The following ADAM18 variants were observed in gnomAD, a reference collection of about 807,000 sequenced individuals.
The protein encoded by ADAM18 is ADAM metallopeptidase domain 18.
ADAM18 carries 117 observed loss-of-function variants against 94.4 expected under a neutral mutation model. That is an observed-to-expected ratio of 1.24 (90% CI 1.07 to 1.45). The LOEUF (loss-of-function observed/expected upper bound fraction) is 1.45. Ranked by LOEUF, ADAM18 falls within the 40% of genes most tolerant of loss-of-function variation. The probability of loss-of-function intolerance (pLI) is 0.00; values close to 1 mark genes in which losing one functional copy is unlikely to be tolerated. For missense variants in ADAM18, 936 were observed against 880.0 expected (o/e 1.06, Z -0.81); for synonymous variants, 327 against 291.6 (o/e 1.12, Z -1.24).
chr8:39,602,779 C>T (rs1818945865), intron 2 of ADAM18, among the ~76,000 whole-genome samples: 1 of 151,494 alleles, frequency 6.6e-6, no homozygotes, highest in African/African-American at 2.4e-5. Flanking sequence ...TAATGTCTTT[C>T]TTTGAGCTAG....
At chr8:39,598,803 T>C in intron 2 of ADAM18, among the ~76,000 whole-genome samples, 1 of 142,230 alleles carries the variant, frequency 7.0e-6, no homozygotes, top group Non-Finnish European at 1.5e-5. Flanking sequence ...AAGAAAAGGG[T>C]GTTGGATTTT....
At chr8:39,696,375 T>A (rs2129580971) in intron 17 of ADAM18, among the ~76,000 whole-genome samples, 1 of 151,634 alleles carries the variant, frequency 6.6e-6, no homozygotes, top group Admixed American at 6.6e-5. Flanking sequence ...CAAAAGTTTT[T>A]AATTTTGATG....
intron 12 of ADAM18, 109 bp from the exon 13 acceptor site, chr8:39,663,686 T>G: frequency 1.6e-6 from 1 of 640,438 alleles, no homozygotes; most frequent in South Asian, 1.9e-5. Flanking sequence ...AATTATATTG[T>G]ATAACTACAA....
intron 7 of ADAM18, among the ~76,000 whole-genome samples, chr8:39,636,046 C>A (rs1820068309): frequency 1.4e-5 from 2 of 138,094 alleles, no homozygotes; most frequent in South Asian, 4.6e-4. Flanking sequence ...AGAGAGGGGG[C>A]CTCACTCTCT....
intron 18 of ADAM18, among the ~76,000 whole-genome samples, chr8:39,715,832 A>G (rs1488535260): frequency 6.6e-6 from 1 of 152,022 alleles, no homozygotes; most frequent in African/African-American, 2.4e-5. Context: ...TGTCAGGCCC[A>G]GATATAGCCA....
intron 16 of ADAM18, 149 bp from the exon 17 acceptor site, chr8:39,692,448 GATA>G (rs1367458224): frequency 1.5e-5 from 6 of 405,984 alleles, no homozygotes; most frequent in Non-Finnish European, 2.6e-5. Context: ...AATAAATTAA[GATA>G]ATGTTAATCA....
intron 19 of ADAM18, 27 bp from the exon 20 acceptor site, chr8:39,729,871 T>A: frequency 6.2e-7 from 1 of 1,603,846 alleles, no homozygotes; most frequent in Non-Finnish European, 8.5e-7. Flanking sequence ...TGTGAATTTC[T>A]ATTTTTTCTG....
chr8:39,662,392 A>G (rs768393155), intron 12 of ADAM18, among the ~76,000 whole-genome samples: 1 of 152,156 alleles, frequency 6.6e-6, no homozygotes, highest in Non-Finnish European at 1.5e-5. Context: ...TTGATTGTAT[A>G]AGCATACGTC....
At chr8:39,613,796 A>G (rs1819352437) in intron 6 of ADAM18, among the ~76,000 whole-genome samples, 1 of 152,256 alleles carries the variant, frequency 6.6e-6, no homozygotes, top group Non-Finnish European at 1.5e-5. Flanking sequence ...CTGCTATAAT[A>G]AAGCTGAAAA....
chr8:39,719,683 T>C (rs532983185), intron 18 of ADAM18, among the ~76,000 whole-genome samples: 6 of 151,598 alleles, frequency 4.0e-5, no homozygotes, highest in East Asian at 1.9e-4. Flanking sequence ...ACATAGGTCA[T>C]TGGAGAAATG....
intron 17 of ADAM18, among the ~76,000 whole-genome samples, chr8:39,700,632 T>C (rs1367794959): frequency 3.3e-5 from 5 of 152,102 alleles, no homozygotes; most frequent in Non-Finnish European, 5.9e-5. Context: ...AATTTCTGAG[T>C]ATAACATGAC....
chr8:39,728,610 A>T (rs1214209698), intron 19 of ADAM18, among the ~76,000 whole-genome samples: 1 of 152,220 alleles, frequency 6.6e-6, no homozygotes. Context: ...AACATATATC[A>T]CAACGAAAAG....
Position 39,616,502 on chromosome 8 carries a change from C to T in ADAM18, c.522+5796C>T, listed in dbSNP as rs192717286. Among the ~76,000 whole-genome samples the T allele has an allele frequency of 6.0e-4, 91 of 152,222 alleles. 2 individuals are homozygous for T. In the South Asian group the frequency reaches 0.016, roughly 26 times the overall value. Reference sequence around the variant, plus strand: ...ATCAAACAACCAACAACGTTTTTCACGCAATTAGACAAAACTATTCTAAAA... The same window carrying T: ...ATCAAACAACCAACAACGTTTTTCATGCAATTAGACAAAACTATTCTAAAA... On this transcript the variant is annotated intron_variant, in intron 6 of 19. Transcript: ENST00000265707.
chr8:39,620,338 A>G (rs1472755714), intron 6 of ADAM18, among the ~76,000 whole-genome samples: 2 of 148,070 alleles, frequency 1.4e-5, no homozygotes, highest in Non-Finnish European at 3.0e-5. Flanking sequence ...CAGGACCTCA[A>G]AAGCACATGC....
chr8:39,727,041 G>T lies in ADAM18; in HGVS notation c.2178-2857G>T, dbSNP rs560439858. Among the ~76,000 whole-genome samples, 3 of 152,240 alleles carry T rather than the reference G, an allele frequency of 2.0e-5. No homozygotes were observed. The South Asian group carries it at 6.2e-4, about 32-fold the overall frequency. On this transcript the variant is annotated intron_variant, in intron 19 of 19. Transcript: ENST00000265707. Reference sequence around the variant, plus strand: ...CTAAATTATTTTAACTGCATTCCCAGAGAAAGTTGTATACATCCTAAAAAT... The same window carrying T: ...CTAAATTATTTTAACTGCATTCCCATAGAAAGTTGTATACATCCTAAAAAT...
chr8:39,592,483 T>C (rs1450317402), intron 2 of ADAM18, among the ~76,000 whole-genome samples: 1 of 152,160 alleles, frequency 6.6e-6, no homozygotes, highest in Non-Finnish European at 1.5e-5. Context: ...AGGTGGTATA[T>C]ATACACCATG....
chr8:39,613,631 C>T (rs138436332), intron 6 of ADAM18, among the ~76,000 whole-genome samples: 5 of 152,116 alleles, frequency 3.3e-5, no homozygotes, highest in South Asian at 4.2e-4. Context: ...CAAGCTGAAA[C>T]GACTGAAATT....
chr8:39,659,978 G>A (rs937545947), intron 12 of ADAM18, among the ~76,000 whole-genome samples: 8 of 152,082 alleles, frequency 5.3e-5, no homozygotes, highest in Non-Finnish European at 7.4e-5. Context: ...TAAACTGGGG[G>A]GAGAGGTGAA....
chr8:39,673,730 G>A (rs1438547901), intron 14 of ADAM18, among the ~76,000 whole-genome samples: 1 of 152,142 alleles, frequency 6.6e-6, no homozygotes, highest in Admixed American at 6.5e-5. Context: ...GTCGATTTTA[G>A]ATCTTTCCTG....
Sources: gnomAD v4.1 joint callset for allele counts (sites outside exome capture counted in the v4.1 genomes callset) on GRCh38, gnomAD v4.1.1 for gene constraint, MANE v1.5 for transcripts, NCBI Gene and HGNC (gene_info 2026-07-23, HGNC 2026-07-21) for gene names.